KCNIP4: variants seen among roughly 807,000 people sequenced by gnomAD.
KCNIP4 encodes the protein potassium voltage-gated channel interacting protein 4.
A neutral mutation model predicts 34.0 loss-of-function variants in KCNIP4; 12 were observed. The observed-to-expected ratio is 0.35, with a 90% CI of 0.23 to 0.57. The LOEUF (loss-of-function observed/expected upper bound fraction) is 0.57. KCNIP4 is among the 20% of genes least tolerant of loss of function. The pLI is 0.83. For synonymous variants in KCNIP4, 124 were observed against 102.2 expected (o/e 1.21, Z -1.29); for missense variants, 238 against 311.7 (o/e 0.76, Z 1.78).
At chr4:20,890,348 A>G (rs1010860659) in intron 1 of KCNIP4, among the ~76,000 whole-genome samples, 1 of 152,208 alleles carries the variant, frequency 6.6e-6, no homozygotes, top group African/African-American at 2.4e-5. Context: ...GATATGGGTA[A>G]GAAATAGGAC....
chr4:21,073,129 G>T (rs186606209), intron 1 of KCNIP4, among the ~76,000 whole-genome samples: 181 of 152,210 alleles, frequency 1.2e-3, no homozygotes, highest in African/African-American at 4.0e-3. Flanking sequence ...GGCAATGTGG[G>T]CTCTTTTTTG....
chr4:21,495,151 C>A (rs908396835), intron 1 of KCNIP4, among the ~76,000 whole-genome samples: 2 of 151,230 alleles, frequency 1.3e-5, no homozygotes, highest in East Asian at 3.9e-4. Context: ...GAGCTGGTAC[C>A]TTTCACTATT....
intron 8 of KCNIP4, chr4:20,731,384 T>TTAAC (rs1748160629): frequency 1.0e-6 from 1 of 985,076 alleles, no homozygotes; most frequent in African/African-American, 1.7e-5. Flanking sequence ...TTAACAATTT[T>TTAAC]TAACTGTGGT....
chr4:21,087,033 G>T (rs1368754981), intron 1 of KCNIP4, among the ~76,000 whole-genome samples: 3 of 138,932 alleles, frequency 2.2e-5, no homozygotes, highest in Non-Finnish European at 3.1e-5. Flanking sequence ...AGGCTGAAGT[G>T]CAGTGGCACG....
chr4:21,633,611 G>T lies in KCNIP4; in HGVS notation c.61+314960C>A, dbSNP rs184164645. ...AGGCAGGCTCTATTTAATACTACAG[G>T]TTATCCTACCTTATTGAATGCAGTA... On this transcript the variant is annotated intron_variant, in intron 1 of 8. Coordinates refer to ENST00000382152, the MANE Select transcript of KCNIP4 (RefSeq NM_025221.6). Among the ~76,000 whole-genome samples the T allele has an allele frequency of 6.0e-4, 91 of 152,090 alleles. 1 individual carries two copies. The highest frequency in any genetic ancestry group is 1.2e-4 in the Non-Finnish European group (8 of 67,976).
chr4:21,698,076 G>A (rs1337000808), intron 1 of KCNIP4, among the ~76,000 whole-genome samples: 1 of 152,164 alleles, frequency 6.6e-6, no homozygotes, highest in Non-Finnish European at 1.5e-5. Flanking sequence ...GCTACATGGG[G>A]GAAAGGCTCA....
chr4:21,768,121 TA>T (rs1321410151), intron 1 of KCNIP4, among the ~76,000 whole-genome samples: 1 of 152,122 alleles, frequency 6.6e-6, no homozygotes, highest in Admixed American at 6.6e-5. Context: ...CAAGAGCTTC[TA>T]AATTTATGAT....
Position 20,740,612 on chromosome 4 carries a change from G to A in KCNIP4, c.430-5877C>T, listed in dbSNP as rs150199950. ...AAAGGAACAACTGATACCAGCCACT[G>A]CAAAAACATGCCAAATTGTAAAGAC... is the stretch of plus-strand genomic sequence containing the variant. On this transcript the variant is annotated intron_variant, in intron 5 of 8. Transcript: ENST00000382152. Among the ~76,000 whole-genome samples, 338 of 152,308 alleles carry A rather than the reference G, an allele frequency of 2.2e-3. 1 individual carries two copies. The highest frequency in any genetic ancestry group is 0.01 in the Middle Eastern group (3 of 294).
At chr4:21,929,394 G>C (rs940810207) in intron 1 of KCNIP4, among the ~76,000 whole-genome samples, 1 of 152,062 alleles carries the variant, frequency 6.6e-6, no homozygotes, top group African/African-American at 2.4e-5. Context: ...CCAGGTATTT[G>C]TTACTGTCTA....
At chr4:21,188,826 G>A (rs911071438) in intron 1 of KCNIP4, among the ~76,000 whole-genome samples, 1 of 152,170 alleles carries the variant, frequency 6.6e-6, no homozygotes, top group African/African-American at 2.4e-5. Flanking sequence ...ACTAGAGGGT[G>A]AGATCTCTAA....
At chr4:21,580,692 T>C (rs572148351) in intron 1 of KCNIP4, among the ~76,000 whole-genome samples, 6 of 152,082 alleles carry the variant, frequency 3.9e-5, no homozygotes, top group Non-Finnish European at 5.9e-5. Context: ...ATGCACACAT[T>C]TAACGCACAC....
chr4:20,916,227 C>G (rs1728801429), intron 1 of KCNIP4: 1 of 633,688 alleles, frequency 1.6e-6, no homozygotes, highest in African/African-American at 2.0e-5. Context: ...CTCTCAGGTT[C>G]TCTCTATGAT....
intron 1 of KCNIP4, among the ~76,000 whole-genome samples, chr4:20,990,994 G>A (rs1283529303): frequency 4.6e-5 from 7 of 152,072 alleles, no homozygotes; most frequent in Non-Finnish European, 7.4e-5. Context: ...TTGAGTTGTC[G>A]CAATATCTCA....
chr4:21,066,762 C>T (rs1461670510), intron 1 of KCNIP4, among the ~76,000 whole-genome samples: 2 of 152,154 alleles, frequency 1.3e-5, no homozygotes, highest in African/African-American at 4.8e-5. Flanking sequence ...CAAGCCCTGC[C>T]ACCATGGGCA....
chr4:21,540,211 G>C (rs1213976797), intron 1 of KCNIP4, among the ~76,000 whole-genome samples: 1 of 151,988 alleles, frequency 6.6e-6, no homozygotes, highest in Non-Finnish European at 1.5e-5. Context: ...ATGAATCCTA[G>C]AGCACATGTT....
At chr4:21,490,275 T>C (rs1732279340) in intron 1 of KCNIP4, among the ~76,000 whole-genome samples, 1 of 152,206 alleles carries the variant, frequency 6.6e-6, no homozygotes, top group African/African-American at 2.4e-5. Flanking sequence ...CAACTACTTT[T>C]CTTATTTGAA....
At chr4:20,819,149 A>T (rs552086643) in intron 3 of KCNIP4, among the ~76,000 whole-genome samples, 4 of 152,042 alleles carry the variant, frequency 2.6e-5, no homozygotes, top group Admixed American at 2.0e-4. Flanking sequence ...CGTGAGCCAC[A>T]GCGCCTGGCC....
At chr4:21,400,741 T>C (rs1723485100) in intron 1 of KCNIP4, among the ~76,000 whole-genome samples, 1 of 151,646 alleles carries the variant, frequency 6.6e-6, no homozygotes, top group Non-Finnish European at 1.5e-5. Flanking sequence ...TCTATAAGGG[T>C]TGCATTCAGC....
At chr4:21,191,471 C>T (rs558494490) in intron 1 of KCNIP4, among the ~76,000 whole-genome samples, 29 of 152,254 alleles carry the variant, frequency 1.9e-4, no homozygotes, top group South Asian at 6.2e-4. Flanking sequence ...CAAGCCCTGC[C>T]GGAGGGTGCT....
Sources: gnomAD v4.1 joint callset for allele counts (sites outside exome capture counted in the v4.1 genomes callset) on GRCh38, gnomAD v4.1.1 for gene constraint, MANE v1.5 for transcripts, NCBI Gene and HGNC (gene_info 2026-07-23, HGNC 2026-07-21) for gene names.